The following ASTN2 variants were observed in gnomAD, a reference collection of about 807,000 sequenced individuals.
The protein encoded by ASTN2 is astrotactin-2.
Under a neutral mutation model 139.8 loss-of-function variants are expected in ASTN2, and 54 were observed. The observed-to-expected ratio is 0.39, with a 90% CI of 0.31 to 0.48. ASTN2 has a LOEUF of 0.48. ASTN2 is among the 20% of genes least tolerant of loss of function. ASTN2 has a pLI of 0.95. For missense variants in ASTN2, 1,565 were observed against 1,725.1 expected (o/e 0.91, Z 1.64); for synonymous variants, 756 against 719.5 (o/e 1.05, Z -0.81).
chr9:116,801,890 T>G (rs1045281266), intron 13 of ASTN2, among the ~76,000 whole-genome samples: 6 of 152,038 alleles, frequency 3.9e-5, no homozygotes, highest in Admixed American at 3.9e-4. Context: ...GTCTGTTCAC[T>G]GTACTCCCCT....
At chr9:116,581,425 T>C (rs554597851) in intron 19 of ASTN2, among the ~76,000 whole-genome samples, 57 of 152,182 alleles carry the variant, frequency 3.7e-4, no homozygotes, top group Non-Finnish European at 6.3e-4. Flanking sequence ...AGTCATTCTA[T>C]CATGTTGCTC....
chr9:116,951,804 T>C (rs1038974505), intron 10 of ASTN2, among the ~76,000 whole-genome samples: 7 of 151,996 alleles, frequency 4.6e-5, no homozygotes, highest in Non-Finnish European at 1.0e-4. Flanking sequence ...TTATTTTACT[T>C]CTAAGGTCAT....
intron 9 of ASTN2, 76 bp downstream of exon 9, chr9:116,976,038 G>C: frequency 7.1e-7 from 1 of 1,410,110 alleles, no homozygotes; most frequent in Non-Finnish European, 1.0e-6. Flanking sequence ...AATAGTCTAA[G>C]GATCCATGAC....
intron 1 of ASTN2, among the ~76,000 whole-genome samples, chr9:117,294,429 T>A (rs2130788438): frequency 6.6e-6 from 1 of 152,350 alleles, no homozygotes; most frequent in Non-Finnish European, 1.5e-5. Context: ...AGGAGGGGTA[T>A]GAAATGTTAA....
At chr9:116,856,787 G>T (rs1832751964) in intron 11 of ASTN2, among the ~76,000 whole-genome samples, 1 of 152,246 alleles carries the variant, frequency 6.6e-6, no homozygotes, top group African/African-American at 2.4e-5. Flanking sequence ...AGATGGGGCA[G>T]AGGCGGCAGA....
intron 12 of ASTN2, among the ~76,000 whole-genome samples, chr9:116,810,560 T>A (rs1286035681): frequency 6.6e-6 from 1 of 152,224 alleles, no homozygotes; most frequent in African/African-American, 2.4e-5. Context: ...TTCTACATAG[T>A]TATTACTGAC....
chr9:116,597,595 C>G lies in ASTN2; in HGVS notation c.3355+20729G>C, dbSNP rs145144229. Reference sequence around the variant, plus strand: ...GTGAACCACCATGCCTGGCCTTGATCTATTAATACGTCCCAGGAGCTACAG... The same window carrying G: ...GTGAACCACCATGCCTGGCCTTGATGTATTAATACGTCCCAGGAGCTACAG... On this transcript the variant is annotated intron_variant, in intron 19 of 22. Coordinates refer to ENST00000313400, the MANE Select transcript of ASTN2 (RefSeq NM_001365068.1). Among the ~76,000 whole-genome samples, 384 of 152,084 alleles carry G rather than the reference C, an allele frequency of 2.5e-3. 3 individuals carry two copies. Among genetic ancestry groups the G allele is most frequent in the Non-Finnish European group, 4.4e-3 (296 of 68,002 alleles).
rs1236995912 is a variant in ASTN2, at chr9:117,274,683, ACTT to A, written c.630+16640_630+16642del. Among the ~76,000 whole-genome samples the A allele has an allele frequency of 3.9e-5, 6 of 152,198 alleles. No homozygotes were observed. The East Asian group carries it at 9.6e-4, about 24-fold the overall frequency. ...ACTTCGTATAGGTGAGTTACCAAGA[ACTT>A]CTTTCAAGTTATCTCATCAAGGCCT... On this transcript the variant is annotated intron_variant, in intron 2 of 22. Coordinates refer to ENST00000313400, the MANE Select transcript of ASTN2 (RefSeq NM_001365068.1).
chr9:117,219,236 C>T (rs1234873808), intron 2 of ASTN2, among the ~76,000 whole-genome samples: 1 of 152,152 alleles, frequency 6.6e-6, no homozygotes, highest in Admixed American at 6.5e-5. Flanking sequence ...CATAGAATTA[C>T]ATACTCCCTT....
intron 16 of ASTN2, among the ~76,000 whole-genome samples, chr9:116,660,168 G>GCACACA (rs3041004): frequency 0.11 from 15,871 of 146,534 alleles, 1,030 homozygotes; most frequent in East Asian, 0.25. Flanking sequence ...TATTGCAAGC[G>GCACACA]CACACACACA....
At position 117,383,668 on chromosome 9, in the gene ASTN2, T is replaced by C. The variant is rs550511602; in HGVS notation, c.442+30829A>G. Among the ~76,000 whole-genome samples, 25 of 152,180 alleles carry C rather than the reference T, an allele frequency of 1.6e-4. No homozygotes were observed. The South Asian group carries it at 2.1e-3, about 13-fold the overall frequency. On this transcript the variant is annotated intron_variant, in intron 1 of 22. Coordinates refer to ENST00000313400, the MANE Select transcript of ASTN2 (RefSeq NM_001365068.1). The stretch of plus-strand genomic sequence containing the variant: ...AGGTAAAATTCAATCAGGGCTCAAA[T>C]GCTAACAGAAAGTGGAAAAAATATA...
intron 5 of ASTN2, among the ~76,000 whole-genome samples, chr9:117,088,204 C>T (rs1392527994): frequency 6.6e-6 from 1 of 152,124 alleles, no homozygotes; most frequent in East Asian, 1.9e-4. Context: ...ACAGTTGCTG[C>T]CTCTTTCTCC....
chr9:117,191,744 G>A (rs1831353804), intron 3 of ASTN2, among the ~76,000 whole-genome samples: 1 of 152,190 alleles, frequency 6.6e-6, no homozygotes, highest in South Asian at 2.1e-4. Context: ...AACTGCTTCA[G>A]CTCTGATCAA....
intron 13 of ASTN2, among the ~76,000 whole-genome samples, chr9:116,767,972 C>T (rs771460454): frequency 6.6e-6 from 1 of 152,088 alleles, no homozygotes; most frequent in Non-Finnish European, 1.5e-5. Context: ...ACAAATGTTA[C>T]TAAACACCTA....
chr9:117,060,688 T>C (rs898911170), intron 5 of ASTN2, among the ~76,000 whole-genome samples: 4 of 151,638 alleles, frequency 2.6e-5, no homozygotes, highest in African/African-American at 7.3e-5. Context: ...GGTCAGGAGA[T>C]CGAGATCATC....
intron 19 of ASTN2, among the ~76,000 whole-genome samples, chr9:116,563,695 T>C (rs893010946): frequency 1.3e-5 from 2 of 152,218 alleles, no homozygotes; most frequent in African/African-American, 4.8e-5. Context: ...TTCTTCTGTA[T>C]CAATTATCAA....
intron 16 of ASTN2, among the ~76,000 whole-genome samples, chr9:116,660,974 A>T (rs908684716): frequency 2.6e-5 from 4 of 152,126 alleles, no homozygotes; most frequent in African/African-American, 9.7e-5. Context: ...CCCCTTTTAC[A>T]AATGAGAGAA....
intron 17 of ASTN2, among the ~76,000 whole-genome samples, chr9:116,626,313 T>C (rs1368366829): frequency 6.6e-6 from 1 of 151,782 alleles, no homozygotes; most frequent in Non-Finnish European, 1.5e-5. Context: ...GCCAAGGTCA[T>C]AAATTTGATT....
intron 19 of ASTN2, among the ~76,000 whole-genome samples, chr9:116,554,167 T>C (rs1373256972): frequency 1.3e-5 from 2 of 152,208 alleles, no homozygotes; most frequent in South Asian, 2.1e-4. Flanking sequence ...CAGTGGTAGA[T>C]AGAATGCTGA....
Sources: allele counts gnomAD v4.1 joint callset (sites outside exome capture counted in the v4.1 genomes callset), GRCh38; gene constraint gnomAD v4.1.1; transcripts MANE v1.5; gene names NCBI Gene and HGNC (gene_info 2026-07-23, HGNC 2026-07-21).